TENM4: variants seen among roughly 807,000 people sequenced by gnomAD.
TENM4 encodes teneurin-4.
In TENM4, 82 loss-of-function variants were observed where a neutral mutation model predicts 243.3. The observed-to-expected ratio is 0.34, with a 90% CI of 0.28 to 0.40. TENM4 has a LOEUF of 0.40. TENM4 is among the 10% of genes least tolerant of loss of function. The probability of loss-of-function intolerance (pLI) is 1.00; values close to 1 mark genes in which losing one functional copy is unlikely to be tolerated. For synonymous variants in TENM4, 1,412 were observed against 1,456.3 expected, an observed-to-expected ratio of 0.97 and a Z score of 0.69; for missense variants, 3,138 against 3,673.3, an observed-to-expected ratio of 0.85 and a Z score of 3.77.
chr11:78,961,699 T>G (rs1857325378), intron 6 of TENM4, among the ~76,000 whole-genome samples: 1 of 152,116 alleles, frequency 6.6e-6, no homozygotes, highest in South Asian at 2.1e-4. Flanking sequence ...ACTAAAATAC[T>G]GAGTCTCTGG....
chr11:79,294,074 A>G (rs2135386442), intron 2 of TENM4, among the ~76,000 whole-genome samples: 1 of 152,326 alleles, frequency 6.6e-6, no homozygotes, highest in South Asian at 2.1e-4. Flanking sequence ...TCCCAGAGAG[A>G]GCAATCCTAG....
At chr11:78,977,060 C>T (rs560853004) in intron 6 of TENM4, among the ~76,000 whole-genome samples, 3 of 152,206 alleles carry the variant, frequency 2.0e-5, no homozygotes, top group Non-Finnish European at 4.4e-5. Flanking sequence ...AAGGGCCATG[C>T]TCTCTCTGAA....
chr11:78,928,246 G>A (rs1195041367), intron 6 of TENM4, among the ~76,000 whole-genome samples: 1 of 152,182 alleles, frequency 6.6e-6, no homozygotes, highest in Non-Finnish European at 1.5e-5. Flanking sequence ...TTCCTGGAAG[G>A]AGATTAGGAG....
chr11:79,303,912 A>C (rs973777602), intron 1 of TENM4, among the ~76,000 whole-genome samples: 2 of 152,176 alleles, frequency 1.3e-5, no homozygotes, highest in Non-Finnish European at 2.9e-5. Flanking sequence ...AGTTCAAAAG[A>C]GTCTTCCAGT....
At chr11:78,821,383 A>G (rs140082731) in intron 12 of TENM4, among the ~76,000 whole-genome samples, 65 of 152,380 alleles carry the variant, frequency 4.3e-4, no homozygotes, top group African/African-American at 1.6e-3. Context: ...GCAGGAATAC[A>G]AGGGGAAAAT....
At chr11:78,784,238 A>G (rs1447148243) in intron 16 of TENM4, among the ~76,000 whole-genome samples, 1 of 152,226 alleles carries the variant, frequency 6.6e-6, no homozygotes, top group East Asian at 1.9e-4. Context: ...TCTCACAGGG[A>G]GTAAAGTTCT....
In TENM4 at chr11:78,805,277, T is replaced by TGCCCCCCCCCCCCCC; in HGVS notation, c.2179+14_2179+15insGGGGGGGGGGGGGGC. 7.3e-5 allele frequency: 102 copies of TGCCCCCCCCCCCCCC among 1,402,450 alleles called. No homozygotes were observed. The highest frequency in any genetic ancestry group is 1.2e-4 in the East Asian group (4 of 32,216). 86.9% of individuals were successfully genotyped at this position (1,402,450 alleles called of 1,614,324 possible). ...CCCCTCCCTCTACCCATGCTTCTTC[T>TGCCCCCCCCCCCCCC]CCCCCTGCATTTACCGATAGAACAG... On this transcript the variant is annotated intron_variant, in intron 15 of 33. Coordinates refer to ENST00000278550, the MANE Select transcript of TENM4 (RefSeq NM_001098816.3).
At chr11:79,323,458 T>C (rs1856923977) in intron 1 of TENM4, among the ~76,000 whole-genome samples, 1 of 152,208 alleles carries the variant, frequency 6.6e-6, no homozygotes, top group African/African-American at 2.4e-5. Context: ...AGCAGCAAAC[T>C]GGGCCTTTCC....
At chr11:78,850,645 T>C (rs568237786) in intron 12 of TENM4, among the ~76,000 whole-genome samples, 1 of 152,180 alleles carries the variant, frequency 6.6e-6, no homozygotes, top group African/African-American at 2.4e-5. Flanking sequence ...AAACCATCAC[T>C]GTAGCTTGAA....
chr11:79,406,303 A>G (rs1858571641), intron 1 of TENM4, among the ~76,000 whole-genome samples: 1 of 152,220 alleles, frequency 6.6e-6, no homozygotes, highest in South Asian at 2.1e-4. Context: ...TTAAAAGGAA[A>G]ATGTATCTCA....
chr11:79,089,860 A>G (rs1298733542), intron 4 of TENM4, among the ~76,000 whole-genome samples: 1 of 152,158 alleles, frequency 6.6e-6, no homozygotes, highest in African/African-American at 2.4e-5. Flanking sequence ...TTGCCATTTT[A>G]TAGAAACTGA....
intron 2 of TENM4, among the ~76,000 whole-genome samples, chr11:79,275,250 TGC>T (rs113501963): frequency 1.5e-4 from 18 of 117,374 alleles, no homozygotes; most frequent in Non-Finnish European, 2.5e-4. Flanking sequence ...TGTCTGTGTG[TGC>T]GCGCGCATGC....
intron 12 of TENM4, among the ~76,000 whole-genome samples, chr11:78,850,987 C>G (rs1858523989): frequency 6.6e-6 from 1 of 152,170 alleles, no homozygotes; most frequent in Non-Finnish European, 1.5e-5. Context: ...GAATCAGGAT[C>G]CCCTGGGCTT....
rs1857936723 is a variant in TENM4 at position 78,658,024 on chromosome 11, G to T, written c.*34C>A. 1 of 1,609,676 alleles carries T rather than the reference G, an allele frequency of 6.2e-7. No individual in the cohort carries two copies. Among genetic ancestry groups the T allele is most frequent in the Non-Finnish European group, 8.5e-7 (1 of 1,177,490 alleles). ...TCAGGTATGCGGCCACAAAAGAGTA[G>T]CTGTCTTTGGCAAGAAGTCCTTGGT... On this transcript the variant is annotated 3_prime_UTR_variant, in exon 34 of 34. Coordinates refer to ENST00000278550, the MANE Select transcript of TENM4 (RefSeq NM_001098816.3).
intron 16 of TENM4, among the ~76,000 whole-genome samples, chr11:78,782,311 A>C (rs1043392215): frequency 2.0e-5 from 3 of 150,552 alleles, no homozygotes; most frequent in Admixed American, 2.0e-4. Flanking sequence ...AAAATACAAA[A>C]ATTAGGCCAG....
chr11:79,073,398 C>T (rs1368575574), intron 4 of TENM4, among the ~76,000 whole-genome samples: 2 of 152,100 alleles, frequency 1.3e-5, no homozygotes, highest in Non-Finnish European at 2.9e-5. Flanking sequence ...TTTTTCATGT[C>T]TGCCTCTCCC....
At chr11:79,244,439 A>G (rs982991058) in intron 2 of TENM4, among the ~76,000 whole-genome samples, 16 of 149,798 alleles carry the variant, frequency 1.1e-4, no homozygotes, top group Non-Finnish European at 1.5e-4. Context: ...GTATGTGTCT[A>G]TGTGTGTGTG....
chr11:79,424,210 G>A (rs1859000560), intron 1 of TENM4, among the ~76,000 whole-genome samples: 1 of 152,122 alleles, frequency 6.6e-6, no homozygotes. Context: ...ACAATTGGCG[G>A]GGAAGGCACT....
intron 3 of TENM4, among the ~76,000 whole-genome samples, chr11:79,153,697 C>G (rs940270466): frequency 1.3e-5 from 2 of 152,280 alleles, no homozygotes; most frequent in African/African-American, 4.8e-5. Context: ...GTACGAGGCA[C>G]AGTGCTGGGT....
Sources: allele counts gnomAD v4.1 joint callset (sites outside exome capture counted in the v4.1 genomes callset), GRCh38; gene constraint gnomAD v4.1.1; transcripts MANE v1.5; gene names NCBI Gene and HGNC (gene_info 2026-07-23, HGNC 2026-07-21).